Variants in POLK observed in about 807,000 individuals in gnomAD.
POLK encodes polymerase (DNA directed) kappa.
A neutral mutation model predicts 94.0 loss-of-function variants in POLK; 76 were observed. That is an observed-to-expected ratio of 0.81 (90% CI 0.67 to 0.98). The LOEUF (loss-of-function observed/expected upper bound fraction) is 0.98, where lower values mean the gene tolerates loss of function less well. POLK is among the 50% of genes least tolerant of loss of function. The pLI is 0.00. For synonymous variants in POLK, 349 were observed against 325.4 expected (o/e 1.07, Z -0.78); for missense variants, 954 against 1,010.1 (o/e 0.94, Z 0.75).
At chr5:75,547,185 G>A (rs371613101) in intron 2 of POLK, 28 bp downstream of exon 2, 640 of 1,326,138 alleles carry the variant, frequency 4.8e-4, no homozygotes, top group Non-Finnish European at 6.1e-4. Flanking sequence ...TTTGATGTGT[G>A]TAATTTAATG....
At chr5:75,542,919 G>A (rs1400304717) in intron 1 of POLK, among the ~76,000 whole-genome samples, 1 of 149,786 alleles carries the variant, frequency 6.7e-6, no homozygotes, top group Non-Finnish European at 1.5e-5. Flanking sequence ...CACCATATTG[G>A]CCAGGCTGGT....
At chr5:75,581,388 G>A (rs142203892) in exon 7 of POLK, 152 of 1,613,508 alleles carry the variant, frequency 9.4e-5, no homozygotes, top group Admixed American at 7.0e-4. Context: ...ATCAGCCCAG[G>A]AAGTGGTAAA....
At chr5:75,590,308 T>C (rs755692830) in intron 10 of POLK, 36 bp from the exon 11 acceptor site, 82 of 1,204,364 alleles carry the variant, frequency 6.8e-5, no homozygotes, top group Non-Finnish European at 9.1e-5. Context: ...GGATTATAGT[T>C]TACTTTGTGC....
At chr5:75,514,897 C>T (rs1306956817) in intron 1 of POLK, among the ~76,000 whole-genome samples, 1 of 151,952 alleles carries the variant, frequency 6.6e-6, no homozygotes, top group African/African-American at 2.4e-5. Context: ...ACTATTATCC[C>T]AAATTTTTTA....
intron 3 of POLK, among the ~76,000 whole-genome samples, chr5:75,560,076 C>G (rs1251169454): frequency 6.6e-6 from 1 of 152,120 alleles, no homozygotes; most frequent in African/African-American, 2.4e-5. Flanking sequence ...ATAACATAAT[C>G]AAAAACAGAC....
chr5:75,515,714 A>T (rs985869954), intron 1 of POLK, among the ~76,000 whole-genome samples: 1 of 152,228 alleles, frequency 6.6e-6, no homozygotes, highest in African/African-American at 2.4e-5. Context: ...ACTAATTTAC[A>T]TTCCCACCAA....
At chr5:75,538,204 A>G (rs910439236) in intron 1 of POLK, among the ~76,000 whole-genome samples, 4 of 152,188 alleles carry the variant, frequency 2.6e-5, no homozygotes, top group African/African-American at 9.7e-5. Flanking sequence ...TAAGTACTTC[A>G]TATGCTGGAG....
chr5:75,561,427 T>C (rs1770969677), intron 3 of POLK, among the ~76,000 whole-genome samples: 1 of 152,224 alleles, frequency 6.6e-6, no homozygotes, highest in Non-Finnish European at 1.5e-5. Context: ...GATGGATAGA[T>C]AGCAAAAATT....
chr5:75,576,727 G>A (rs1205572408), intron 5 of POLK, 53 bp from the exon 6 acceptor site: 3 of 940,004 alleles, frequency 3.2e-6, no homozygotes, highest in Non-Finnish European at 4.6e-6. Flanking sequence ...ACATATGACA[G>A]AAGAAGTTTG....
chr5:75,512,046 C>T (rs1370132850), intron 1 of POLK, 132 bp downstream of exon 1: 1 of 409,970 alleles, frequency 2.4e-6, no homozygotes, highest in Admixed American at 4.2e-5. Context: ...ATGACGAACC[C>T]TCCGGGCTTG....
intron 1 of POLK, among the ~76,000 whole-genome samples, chr5:75,527,479 CA>C (rs531406336): frequency 1.4e-3 from 154 of 112,498 alleles, no homozygotes; most frequent in Middle Eastern, 5.2e-3. Context: ...GACCCTGTCT[CA>C]AAAAAAAAAA....
intron 3 of POLK, among the ~76,000 whole-genome samples, chr5:75,552,989 T>A (rs888955739): frequency 2.0e-5 from 3 of 152,056 alleles, no homozygotes; most frequent in South Asian, 4.1e-4. Context: ...GCAAAAAAAA[T>A]TTGAGGAATA....
Position 75,583,406 on chromosome 5 carries a change from C to T in POLK, c.1048C>T (p.Pro350Ser), listed in dbSNP as rs528839357. 3.1e-6 allele frequency: 5 copies of T among 1,596,096 alleles called. No homozygotes were observed. The African/African-American group carries it at 4.0e-5, about 13-fold the overall frequency. ...TGTGATGGACTTCATCAAGGATTTA[C>T]CCATTAGAAAGGTAAGATTTTTACA... Residue 350 changes from proline (P) to serine (S), a missense_variant, in exon 8 of 15, where the codon CCC becomes TCC. Pro to Ser is a moderately conservative substitution (Grantham distance 74, BLOSUM62 -1). Coordinates refer to ENST00000241436, the Ensembl canonical transcript of POLK.
intron 3 of POLK, among the ~76,000 whole-genome samples, chr5:75,560,129 A>G (rs1770893029): frequency 6.6e-6 from 1 of 152,208 alleles, no homozygotes. Flanking sequence ...AACATTTACT[A>G]GCTCTATGAC....
downstream of POLK, among the ~76,000 whole-genome samples, chr5:75,606,034 A>AG (rs1773416915): frequency 2.4e-5 from 3 of 124,360 alleles, no homozygotes; most frequent in Non-Finnish European, 5.0e-5. Flanking sequence ...TTTCTCAAAG[A>AG]GGGGGATGTG....
intron 5 of POLK, among the ~76,000 whole-genome samples, chr5:75,574,252 G>A (rs1017573108): frequency 4.0e-5 from 6 of 151,736 alleles, no homozygotes; most frequent in Non-Finnish European, 8.8e-5. Flanking sequence ...TCAACCTATT[G>A]TCTGAATAAT....
At chr5:75,596,774 A>G (rs1773111132) in exon 13 of POLK, 1 of 1,612,176 alleles carries the variant, frequency 6.2e-7, no homozygotes, top group African/African-American at 1.3e-5. Flanking sequence ...AAAATTAAAG[A>G]AATATCTTCA....
intron 10 of POLK, 37 bp downstream of exon 10, chr5:75,587,095 T>G: frequency 8.6e-7 from 1 of 1,167,548 alleles, no homozygotes; most frequent in Non-Finnish European, 1.2e-6. Flanking sequence ...TGTGCATAAT[T>G]CATGTTATTT....
chr5:75,560,268 T>TA (rs1467985308), intron 3 of POLK, among the ~76,000 whole-genome samples: 4 of 152,162 alleles, frequency 2.6e-5, no homozygotes, highest in African/African-American at 9.7e-5. Flanking sequence ...ATATGACACA[T>TA]ATACCCAATA....
Sources: gnomAD v4.1 joint callset for allele counts (sites outside exome capture counted in the v4.1 genomes callset) on GRCh38, gnomAD v4.1.1 for gene constraint, MANE v1.5 for transcripts, NCBI Gene and HGNC (gene_info 2026-07-23, HGNC 2026-07-21) for gene names.